Variants in RALYL observed in about 807,000 individuals in gnomAD.
RALYL encodes RNA-binding Raly-like protein.
Under a neutral mutation model 35.1 loss-of-function variants are expected in RALYL, and 29 were observed. The observed-to-expected ratio is 0.83, with a 90% CI of 0.61 to 1.13. RALYL has a LOEUF of 1.13. RALYL is among the 50% of genes most tolerant of loss of function. The pLI is 0.00. For synonymous variants in RALYL, 120 were observed against 127.6 expected, an observed-to-expected ratio of 0.94 and a Z score of 0.40; for missense variants, 359 against 360.4, an observed-to-expected ratio of 1.00 and a Z score of 0.03.
chr8:84,501,483 C>A (rs908016299), intron 1 of RALYL, among the ~76,000 whole-genome samples: 2 of 151,932 alleles, frequency 1.3e-5, no homozygotes, highest in African/African-American at 4.8e-5. Context: ...ATAAAAATCA[C>A]CCACATGTAT....
intron 2 of RALYL, among the ~76,000 whole-genome samples, chr8:84,713,235 G>A (rs1842466685): frequency 6.6e-6 from 1 of 151,856 alleles, no homozygotes; most frequent in Non-Finnish European, 1.5e-5. Context: ...ATATGTTCTT[G>A]GCACTTTGGT....
At chr8:84,732,310 A>G (rs1470441260) in intron 2 of RALYL, among the ~76,000 whole-genome samples, 1 of 152,130 alleles carries the variant, frequency 6.6e-6, no homozygotes, top group Non-Finnish European at 1.5e-5. Flanking sequence ...TAATAGCCTC[A>G]TCTGTGCTTA....
intron 2 of RALYL, among the ~76,000 whole-genome samples, chr8:84,678,320 G>A (rs1406762058): frequency 6.6e-6 from 1 of 152,034 alleles, no homozygotes; most frequent in Non-Finnish European, 1.5e-5. Flanking sequence ...CTGGAGTGCA[G>A]TGGCGATATC....
At chr8:84,411,283 C>T (rs1257740841) in intron 1 of RALYL, among the ~76,000 whole-genome samples, 1 of 151,836 alleles carries the variant, frequency 6.6e-6, no homozygotes, top group Non-Finnish European at 1.5e-5. Context: ...TGATGGGGTC[C>T]ACTACCCATG....
At chr8:84,373,924 C>T (rs180689233) in intron 1 of RALYL, among the ~76,000 whole-genome samples, 8 of 151,336 alleles carry the variant, frequency 5.3e-5, no homozygotes, top group Non-Finnish European at 1.2e-4. Context: ...GGATCTTTCA[C>T]CTCCTAGTTA....
At chr8:84,533,432 A>G (rs1451461255) in intron 2 of RALYL, among the ~76,000 whole-genome samples, 1 of 152,198 alleles carries the variant, frequency 6.6e-6, no homozygotes, top group African/African-American at 2.4e-5. Context: ...AATTTTATGT[A>G]TCTATTGATT....
intron 1 of RALYL, among the ~76,000 whole-genome samples, chr8:84,249,252 T>G (rs1349417486): frequency 6.6e-6 from 1 of 152,104 alleles, no homozygotes; most frequent in Non-Finnish European, 1.5e-5. Flanking sequence ...TTGTTATTTA[T>G]GTTGTTCCTT....
At chr8:84,471,940 T>A (rs894714280) in intron 1 of RALYL, among the ~76,000 whole-genome samples, 1 of 152,208 alleles carries the variant, frequency 6.6e-6, no homozygotes, top group Non-Finnish European at 1.5e-5. Context: ...ATTACAATAC[T>A]TTGGACAATA....
chr8:84,191,947 T>C (rs1813989637), intron 1 of RALYL, among the ~76,000 whole-genome samples: 1 of 152,144 alleles, frequency 6.6e-6, no homozygotes, highest in Non-Finnish European at 1.5e-5. Context: ...TCAAAGATGA[T>C]CAACAAGTGA....
intron 2 of RALYL, chr8:84,679,549 T>A (rs1834930633): frequency 2.5e-6 from 1 of 400,296 alleles, no homozygotes; most frequent in South Asian, 2.0e-5. Context: ...CTGGAATGAT[T>A]CATGAGCTCT....
chr8:84,345,713 C>A (rs1849717353), intron 1 of RALYL, among the ~76,000 whole-genome samples: 1 of 152,030 alleles, frequency 6.6e-6, no homozygotes, highest in Non-Finnish European at 1.5e-5. Context: ...TTCACTTCCC[C>A]ACTAATGTAA....
At position 84,459,381 on chromosome 8, in the gene RALYL, A is replaced by G. The variant is rs140436587; in HGVS notation, c.-23-69918A>G. Among the ~76,000 whole-genome samples, 217 of 151,996 alleles carry G rather than the reference A, an allele frequency of 1.4e-3. 2 individuals carry two copies. The highest frequency in any genetic ancestry group is 4.7e-3 in the African/African-American group (194 of 41,544). ...ATTTCAAAGCCATGATTAGAAGATTAGGACAAACATGGTCAATCAGGGAAT... is the reference window on the plus strand; with the variant it reads ...ATTTCAAAGCCATGATTAGAAGATTGGGACAAACATGGTCAATCAGGGAAT... On this transcript the variant is annotated intron_variant, in intron 1 of 8. Transcript: ENST00000521268.
At chr8:84,621,544 A>C (rs1821479670) in intron 2 of RALYL, among the ~76,000 whole-genome samples, 1 of 152,048 alleles carries the variant, frequency 6.6e-6, no homozygotes, top group African/African-American at 2.4e-5. Flanking sequence ...GAAATGCAGA[A>C]ATCACCTGTC....
chr8:84,728,329 T>C (rs1354862180), intron 2 of RALYL, among the ~76,000 whole-genome samples: 1 of 152,170 alleles, frequency 6.6e-6, no homozygotes, highest in Non-Finnish European at 1.5e-5. Flanking sequence ...TTGTTTCTTT[T>C]TCTCTTGTAA....
chr8:84,696,446 A>C (rs973601607), intron 2 of RALYL, among the ~76,000 whole-genome samples: 1 of 151,888 alleles, frequency 6.6e-6, no homozygotes, highest in Non-Finnish European at 1.5e-5. Context: ...ACGTTTCTTT[A>C]AATGGTCTTA....
chr8:84,729,876 A>G (rs910744174), intron 2 of RALYL, among the ~76,000 whole-genome samples: 1 of 152,190 alleles, frequency 6.6e-6, no homozygotes, highest in Non-Finnish European at 1.5e-5. Flanking sequence ...AGGATCTGAA[A>G]TTGTGGCAAT....
intron 2 of RALYL, among the ~76,000 whole-genome samples, chr8:84,722,615 TTTTATATATATATA>T (rs1359195464): frequency 4.6e-5 from 3 of 65,666 alleles, no homozygotes; most frequent in African/African-American, 9.4e-5. Flanking sequence ...CCTAGAGTGA[TTTTATATATATATA>T]TATATATATA....
intron 3 of RALYL, among the ~76,000 whole-genome samples, chr8:84,800,717 A>T (rs1823044260): frequency 6.6e-6 from 1 of 152,214 alleles, no homozygotes; most frequent in African/African-American, 2.4e-5. Context: ...TAGGCATATC[A>T]CAATGTAATG....
In RALYL at chr8:84,432,761, GA is replaced by G. The variant is rs565463771; in HGVS notation, c.-23-96536del. ...CACGTGATGATAGAGGCATAGATTG[GA>G]ATTATAAAGTTGCAATCCAAGGAAT... On this transcript the variant is annotated intron_variant, in intron 1 of 8. Coordinates refer to ENST00000521268, the MANE Select transcript of RALYL (RefSeq NM_173848.7). 7.2e-5 allele frequency among the ~76,000 whole-genome samples: 11 copies of G among 152,114 alleles called. No homozygotes were observed. In the East Asian group the frequency reaches 2.1e-3, roughly 29 times the overall value.
Sources: allele counts gnomAD v4.1 joint callset (sites outside exome capture counted in the v4.1 genomes callset), GRCh38; gene constraint gnomAD v4.1.1; transcripts MANE v1.5; gene names NCBI Gene and HGNC (gene_info 2026-07-23, HGNC 2026-07-21).